Variants in ENY2 observed in about 807,000 individuals in gnomAD.
ENY2 encodes transcription and mRNA export factor ENY2.
Under a neutral mutation model 15.9 loss-of-function variants are expected in ENY2, and 4 were observed. The ratio of observed to expected loss-of-function variants is 0.25; its 90% CI spans 0.12 to 0.57. The LOEUF is 0.57. Ranked by LOEUF, ENY2 falls within the 20% of genes least tolerant of loss-of-function variation. The pLI, the probability that ENY2 is intolerant of heterozygous loss-of-function variation, is 0.91. For synonymous variants in ENY2, 48 were observed against 38.0 expected (o/e 1.26, Z -0.97); for missense variants, 54 against 117.2 (o/e 0.46, Z 2.49).
intron 3 of ENY2, 113 bp downstream of exon 3, chr8:109,339,503 T>A: frequency 1.2e-6 from 1 of 853,290 alleles, no homozygotes. Context: ...TAAACAAATA[T>A]GGAATTTAAT....
intron 2 of ENY2, chr8:109,339,085 C>G (rs988676421): frequency 9.1e-6 from 5 of 546,458 alleles, no homozygotes; most frequent in Non-Finnish European, 1.6e-5. Context: ...TTTAGCCCCT[C>G]CACTTCATTT....
intron 4 of ENY2, among the ~76,000 whole-genome samples, chr8:109,342,353 G>A (rs1251315667): frequency 2.0e-5 from 3 of 151,220 alleles, no homozygotes; most frequent in South Asian, 2.1e-4. Flanking sequence ...CGTAATATGA[G>A]AGTGCTCCCT....
chr8:109,336,626 A>C (rs1815991094), intron 2 of ENY2: 1 of 161,378 alleles, frequency 6.2e-6, no homozygotes, highest in Admixed American at 6.3e-5. Flanking sequence ...CTCAACTATC[A>C]GGTCTAATTT....
Position 109,340,574 on chromosome 8 carries a change from C to T in ENY2, c.229+11C>T. The stretch of plus-strand genomic sequence containing the variant: ...CTCCAAAAGGCAGAGGTAAGGAATA[C>T]AGAGTTTGTTAAAGGAAACATGCTG... On this transcript the variant is annotated intron_variant, in intron 4 of 4. Coordinates refer to ENST00000521688, the MANE Select transcript of ENY2 (RefSeq NM_020189.6). 1 of 1,612,926 alleles carries T rather than the reference C, an allele frequency of 6.2e-7. No individual in the cohort carries two copies. The highest frequency in any genetic ancestry group is 2.2e-5 in the East Asian group (1 of 44,780).
At chr8:109,338,086 G>T (rs190799850) in intron 2 of ENY2, among the ~76,000 whole-genome samples, 17 of 152,240 alleles carry the variant, frequency 1.1e-4, no homozygotes, top group African/African-American at 4.1e-4. Flanking sequence ...GATCATGTAG[G>T]CTGTAATAAA....
chr8:109,334,574 G>GC, intron 1 of ENY2, 100 bp downstream of exon 1: 2 of 1,396,978 alleles, frequency 1.4e-6, no homozygotes, highest in South Asian at 2.9e-5. Flanking sequence ...GCGCTCGCGG[G>GC]CCTGTAGGGC....
At position 109,345,547 on chromosome 8, in the gene ENY2, A is replaced by G. The variant is rs1402442238; in HGVS notation, c.*2066A>G. The G allele has an allele frequency of 6.6e-6, 1 of 152,170 alleles. No homozygotes were observed. Among genetic ancestry groups the G allele is most frequent in the East Asian group, 1.9e-4 (1 of 5,186 alleles). 9.4% of individuals were successfully genotyped at this position (152,170 alleles called of 1,614,324 possible). On this transcript the variant is annotated 3_prime_UTR_variant, in exon 5 of 5. Transcript: ENST00000521688. ...TTTTTTGTTTCACTTCATCTCTTAT[A>G]AAACAATGTTCTAAAGTAAGTGATA... is the stretch of plus-strand genomic sequence containing the variant.
chr8:109,336,249 ATAGT>A (rs1815982957), intron 2 of ENY2, 45 bp downstream of exon 2: 3 of 1,458,570 alleles, frequency 2.1e-6, no homozygotes, highest in African/African-American at 2.8e-5. Context: ...ACCGCCTTTA[ATAGT>A]TAGCTTGTAA....
In ENY2 at chr8:109,336,169, T is replaced by G. The variant is rs1815981042; in HGVS notation, c.48T>G (p.Ile16Met). Reference protein sequence around the residue: ...MNKDAQMRAAINQKLIETGER... With the variant: ...MNKDAQMRAAMNQKLIETGER... ...AAGATGCGCAGATGAGAGCAGCGAT[T>G]AACCAAAAGTTGATAGAAACTGGAG... Residue 16 changes from isoleucine (I) to methionine (M), a missense_variant, in exon 2 of 5, where the codon ATT (isoleucine) becomes ATG (methionine). Coordinates refer to ENST00000521688, the MANE Select transcript of ENY2 (RefSeq NM_020189.6). The G allele has an allele frequency of 6.2e-7, 1 of 1,613,472 alleles. No individual in the cohort carries two copies.
intron 1 of ENY2, 194 bp downstream of exon 1, chr8:109,334,668 T>C: frequency 1.6e-6 from 1 of 611,412 alleles, no homozygotes; most frequent in Non-Finnish European, 2.8e-6. Flanking sequence ...CCTCTCCCGC[T>C]GTCTCCGCCC....
intron 2 of ENY2, chr8:109,336,708 G>C (rs73700858): frequency 0.012 from 1,872 of 152,990 alleles, 39 homozygotes; most frequent in African/African-American, 0.042. Flanking sequence ...AATCAACATT[G>C]TGTTCTAACA....
rs988676421 is a variant in ENY2, at chr8:109,339,085, C to T, written c.84-235C>T. 64 of 546,454 alleles carry T rather than the reference C, an allele frequency of 1.2e-4. 1 individual carries two copies. The South Asian group carries it at 1.2e-3, about 10-fold the overall frequency. The allele number at this position is 546,454 out of a possible 1,614,324, so 33.9% of individuals were successfully genotyped here. ...CTTCTTGAAAAGTATTTTAGCCCCT[C>T]CACTTCATTTAATTTCACTCATTAA... On this transcript the variant is annotated intron_variant, in intron 2 of 4. Transcript: ENST00000521688.
intron 2 of ENY2, 131 bp downstream of exon 2, chr8:109,336,335 A>G (rs1815985149): frequency 1.2e-6 from 1 of 809,910 alleles, no homozygotes. Flanking sequence ...TCTATTCCGA[A>G]CATCTGGAAA....
intron 1 of ENY2, chr8:109,335,305 A>G (rs1815939992): frequency 6.6e-6 from 1 of 152,110 alleles, no homozygotes; most frequent in South Asian, 2.1e-4. Flanking sequence ...ATCCTAGTGA[A>G]GAGTAAAGCA....
chr8:109,340,264 ATTAT>A (rs1376596873), intron 3 of ENY2: 98 of 528,612 alleles, frequency 1.9e-4, no homozygotes, highest in African/African-American at 1.7e-3. Context: ...AAGTGTCACA[ATTAT>A]TTAGTTGCTG....
intron 2 of ENY2, among the ~76,000 whole-genome samples, chr8:109,337,546 A>G (rs1187500248): frequency 6.6e-6 from 1 of 152,190 alleles, no homozygotes; most frequent in Non-Finnish European, 1.5e-5. Context: ...GGTGATGAGC[A>G]CTAGAGGAAC....
intron 4 of ENY2, among the ~76,000 whole-genome samples, chr8:109,343,083 A>T (rs888586171): frequency 6.6e-6 from 1 of 152,198 alleles, no homozygotes; most frequent in Non-Finnish European, 1.5e-5. Context: ...CATTCAGCAT[A>T]AATTGTTACT....
intron 1 of ENY2, chr8:109,335,483 C>T (rs1815951705): frequency 6.6e-6 from 1 of 151,782 alleles, no homozygotes; most frequent in South Asian, 2.1e-4. Context: ...CTGCCTCAGC[C>T]TCCTGAGTAG....
rs753255889 is a variant in ENY2, at chr8:109,340,571, A to G, written c.229+8A>G. On this transcript the variant is annotated splice_region_variant and intron_variant, in intron 4 of 4. Coordinates refer to ENST00000521688, the MANE Select transcript of ENY2 (RefSeq NM_020189.6). ...TCACTCCAAAAGGCAGAGGTAAGGA[A>G]TACAGAGTTTGTTAAAGGAAACATG... 1.2e-6 allele frequency: 2 copies of G among 1,613,214 alleles called. No individual in the cohort carries two copies. Among genetic ancestry groups the G allele is most frequent in the Non-Finnish European group, 1.7e-6 (2 of 1,179,418 alleles).
Sources: gnomAD v4.1 joint callset for allele counts (sites outside exome capture counted in the v4.1 genomes callset) on GRCh38, gnomAD v4.1.1 for gene constraint, MANE v1.5 for transcripts, NCBI Gene and HGNC (gene_info 2026-07-23, HGNC 2026-07-21) for gene names.